DMXL1: variants seen among roughly 807,000 people sequenced by gnomAD.
DMXL1 encodes the protein Dmx like 1, also known as dmX-like protein 1.
DMXL1 carries 99 observed loss-of-function variants against 319.2 expected under a neutral mutation model. The ratio of observed to expected loss-of-function variants is 0.31; its 90% CI spans 0.26 to 0.37. The LOEUF is 0.37. Ranked by LOEUF, DMXL1 falls within the 10% of genes least tolerant of loss-of-function variation. The pLI is 1.00. For synonymous variants in DMXL1, 1,385 were observed against 1,235.2 expected, an observed-to-expected ratio of 1.12 and a Z score of -2.54; for missense variants, 3,745 against 3,595.6, an observed-to-expected ratio of 1.04 and a Z score of -1.06.
At chr5:119,214,392 G>C (rs1783319131) in intron 34 of DMXL1, among the ~76,000 whole-genome samples, 1 of 152,046 alleles carries the variant, frequency 6.6e-6, no homozygotes, top group Non-Finnish European at 1.5e-5. Context: ...CTTTTAACTG[G>C]TTTTCTGATA....
chr5:119,234,905 A>T (rs772961312), intron 39 of DMXL1, among the ~76,000 whole-genome samples: 2 of 152,114 alleles, frequency 1.3e-5, no homozygotes, highest in East Asian at 3.8e-4. Flanking sequence ...AAGACCTTCT[A>T]TAATGTGACT....
chr5:119,098,132 T>C, intron 2 of DMXL1, 28 bp downstream of exon 2: 1 of 1,591,258 alleles, frequency 6.3e-7, no homozygotes, highest in Non-Finnish European at 8.5e-7. Flanking sequence ...AATATACAAA[T>C]TTGTTTGGAA....
In DMXL1 at chr5:119,172,916, C is replaced by T. The variant is rs139530726; in HGVS notation, c.6681+947C>T. Among the ~76,000 whole-genome samples the T allele has an allele frequency of 3.4e-3, 517 of 152,096 alleles. 3 individuals carry two copies. Among genetic ancestry groups the T allele is most frequent in the African/African-American group, 0.012 (507 of 41,508 alleles). On this transcript the variant is annotated intron_variant, in intron 25 of 43. Transcript: ENST00000539542. The stretch of plus-strand genomic sequence containing the variant: ...TCTGTACTGCTCTGTAGTATAAATG[C>T]CCATAGTGCTTATTATACAGTTTGG...
In DMXL1 at chr5:119,248,042, A is replaced by T. The variant is rs547723308; in HGVS notation, c.*823A>T. Reference sequence around the variant, plus strand: ...TTATTTTAAAGATTAGATTTAGTCAAATAAGTCTTAGCAGGCAATAAAGTT... The same window carrying T: ...TTATTTTAAAGATTAGATTTAGTCATATAAGTCTTAGCAGGCAATAAAGTT... On this transcript the variant is annotated 3_prime_UTR_variant, in exon 44 of 44. Transcript: ENST00000539542. 7 of 152,276 alleles carry T rather than the reference A, an allele frequency of 4.6e-5. No homozygotes were observed. The highest frequency in any genetic ancestry group is 1.7e-4 in the African/African-American group (7 of 41,582). The allele number at this position is 152,276 out of a possible 1,614,324, so 9.4% of individuals were successfully genotyped here.
At chr5:119,129,518 A>T in intron 10 of DMXL1, 95 bp downstream of exon 10, 7 of 842,864 alleles carry the variant, frequency 8.3e-6, no homozygotes, top group Non-Finnish European at 1.3e-5. Context: ...ATAAACTTTA[A>T]AGTTGCAATG....
intron 1 of DMXL1, among the ~76,000 whole-genome samples, chr5:119,074,198 C>T (rs758838501): frequency 1.5e-3 from 236 of 152,276 alleles, no homozygotes; most frequent in Non-Finnish European, 2.8e-3. Context: ...GGATTACAGG[C>T]GGGAGCCACT....
intron 1 of DMXL1, among the ~76,000 whole-genome samples, chr5:119,081,243 C>T (rs935078740): frequency 6.6e-6 from 1 of 152,192 alleles, no homozygotes; most frequent in African/African-American, 2.4e-5. Context: ...TCCCCTTCTT[C>T]ACTCCCAGCT....
At position 119,149,418 on chromosome 5, in the gene DMXL1, T is replaced by G; in HGVS notation, c.3591T>G (p.Phe1197Leu). 6.2e-7 allele frequency: 1 copy of G among 1,613,978 alleles called. No homozygotes were observed. Among genetic ancestry groups the G allele is most frequent in the Non-Finnish European group, 8.5e-7 (1 of 1,179,898 alleles). The stretch of plus-strand genomic sequence containing the variant: ...CCAAAGTTGTGCCCCTTTCTAAATT[T>G]GTACTATTACGAAGTGTGGACCTAG... ...ESTKVVPLSKFVLLRSVDLVS... is the reference protein window; with the variant it reads ...ESTKVVPLSKLVLLRSVDLVS... The change falls in exon 18 of 44, where the codon TTT (phenylalanine) becomes TTG (leucine). Residue 1197 changes from phenylalanine to leucine, a missense_variant. Phe to Leu is a conservative substitution (Grantham distance 22). Coordinates refer to ENST00000539542, the MANE Select transcript of DMXL1 (RefSeq NM_001290321.3).
chr5:119,218,085 C>A (rs1187381452), intron 35 of DMXL1, among the ~76,000 whole-genome samples: 4 of 151,962 alleles, frequency 2.6e-5, no homozygotes, highest in Non-Finnish European at 5.9e-5. Flanking sequence ...ATGTCAAATA[C>A]AAAATTATTG....
chr5:119,227,618 T>A (rs573077368), intron 38 of DMXL1, among the ~76,000 whole-genome samples: 99 of 152,272 alleles, frequency 6.5e-4, no homozygotes, highest in South Asian at 1.5e-3. Context: ...TTCTGTTTTT[T>A]GGTTTTTTTT....
Position 119,239,038 on chromosome 5 carries a change from C to T in DMXL1, c.8609C>T (p.Ser2870Phe), listed in dbSNP as rs758963672. 9 of 1,613,710 alleles carry T rather than the reference C, an allele frequency of 5.6e-6. No individual in the cohort carries two copies. Among genetic ancestry groups the T allele is most frequent in the Non-Finnish European group, 7.6e-6 (9 of 1,179,930 alleles). Residue 2870 changes from serine to phenylalanine, a missense_variant, in exon 41 of 44, where the codon TCC (serine) becomes TTC (phenylalanine). Coordinates refer to ENST00000539542, the MANE Select transcript of DMXL1 (RefSeq NM_001290321.3). ...GCCAATGATTTTGTCTTCGTTAGTTCCTCCTCTCTGATAGCTACAGCTGGT... is the reference window on the plus strand; with the variant it reads ...GCCAATGATTTTGTCTTCGTTAGTTTCTCCTCTCTGATAGCTACAGCTGGT... ...KTANDFVFVS[S>F]SSLIATAGLS...
intron 33 of DMXL1, chr5:119,206,625 T>G: frequency 2.6e-6 from 1 of 389,090 alleles, no homozygotes; most frequent in South Asian, 5.9e-5. Context: ...GTTAATGAGT[T>G]CTGAGGGATT....
intron 37 of DMXL1, among the ~76,000 whole-genome samples, chr5:119,224,088 C>G (rs1785114817): frequency 6.6e-6 from 1 of 152,034 alleles, no homozygotes; most frequent in Non-Finnish European, 1.5e-5. Context: ...TACCAACTCC[C>G]CACCTTCTCC....
intron 8 of DMXL1, among the ~76,000 whole-genome samples, chr5:119,119,429 A>G (rs1761542482): frequency 6.6e-6 from 1 of 152,208 alleles, no homozygotes; most frequent in African/African-American, 2.4e-5. Flanking sequence ...TGAAAGTAAA[A>G]GTCAATTTTT....
intron 9 of DMXL1, among the ~76,000 whole-genome samples, chr5:119,124,563 C>CT (rs34589863): frequency 0.073 from 7,519 of 102,954 alleles, 583 homozygotes; most frequent in East Asian, 0.14. Flanking sequence ...ATGGTGATGA[C>CT]TTTTTTTTTT....
At position 119,136,882 on chromosome 5, in the gene DMXL1, T is replaced by G. The variant is rs572247568; in HGVS notation, c.2376+2493T>G. On this transcript the variant is annotated intron_variant, in intron 13 of 43. Transcript: ENST00000539542. ...CAGGGGCGAAGCCCTCATGGAAAAC[T>G]TCTACTAGGGCAATGCAGAGGGAGA... Among the ~76,000 whole-genome samples the G allele has an allele frequency of 2.0e-5, 3 of 152,322 alleles. No individual in the cohort carries two copies. In the South Asian group the frequency reaches 6.2e-4, roughly 32 times the overall value.
chr5:119,178,274 A>C lies in DMXL1; in HGVS notation c.7135+30A>C, dbSNP rs764680841. ...GTTTAAAAAATTTTTTTAGGACTGA[A>C]GCTTTATTTATCTGAGTGATATCAT... is the stretch of plus-strand genomic sequence containing the variant. On this transcript the variant is annotated intron_variant, in intron 28 of 43. Coordinates refer to ENST00000539542, the MANE Select transcript of DMXL1 (RefSeq NM_001290321.3). 4.4e-6 allele frequency: 7 copies of C among 1,598,916 alleles called. No homozygotes were observed. In the East Asian group the frequency reaches 1.6e-4, roughly 36 times the overall value.
chr5:119,107,913 G>A (rs1283486007), intron 4 of DMXL1, among the ~76,000 whole-genome samples: 2 of 152,098 alleles, frequency 1.3e-5, no homozygotes, highest in Non-Finnish European at 2.9e-5. Flanking sequence ...TACAACAACT[G>A]TATTTAAACC....
At chr5:119,093,606 G>T (rs1208922952) in intron 1 of DMXL1, among the ~76,000 whole-genome samples, 3 of 152,152 alleles carry the variant, frequency 2.0e-5, no homozygotes, top group Non-Finnish European at 4.4e-5. Context: ...TGTTCAGAAA[G>T]GAAGAGTTAC....
Sources: allele counts gnomAD v4.1 joint callset (sites outside exome capture counted in the v4.1 genomes callset), GRCh38; gene constraint gnomAD v4.1.1; transcripts MANE v1.5; gene names NCBI Gene and HGNC (gene_info 2026-07-23, HGNC 2026-07-21).